The following CD226 variants were observed in gnomAD, a reference collection of about 807,000 sequenced individuals.
CD226 encodes CD226 antigen.
A neutral mutation model predicts 34.9 loss-of-function variants in CD226; 24 were observed. The ratio of observed to expected loss-of-function variants is 0.69; its 90% CI spans 0.50 to 0.97. The LOEUF is 0.97. CD226 is among the 50% of genes least tolerant of loss of function. The pLI is 0.00. For synonymous variants in CD226, 148 were observed against 147.4 expected, an observed-to-expected ratio of 1.00 and a Z score of -0.03; for missense variants, 397 against 412.7, an observed-to-expected ratio of 0.96 and a Z score of 0.33.
Position 69,858,311 on chromosome 18 carries a change from G to A in CD226, c.*6003C>T, listed in dbSNP as rs914041448. On this transcript the variant is annotated 3_prime_UTR_variant, in exon 6 of 6. Coordinates refer to ENST00000582621, the MANE Select transcript of CD226 (RefSeq NM_001303618.2). ...CCTGCCTTTAAGAAAACTATCATCT[G>A]GTCGAGGAGGGACATTTGTCAGTTG... 9 of 152,176 alleles carry A rather than the reference G, an allele frequency of 5.9e-5. No individual in the cohort carries two copies. The highest frequency in any genetic ancestry group is 1.2e-4 in the Non-Finnish European group (8 of 68,038). The allele number at this position is 152,176 out of a possible 1,614,324, so 9.4% of individuals were successfully genotyped here.
intron 2 of CD226, among the ~76,000 whole-genome samples, chr18:69,924,656 C>T (rs2055497920): frequency 3.1e-5 from 2 of 64,986 alleles, no homozygotes; most frequent in South Asian, 1.1e-3. Flanking sequence ...GCTGAACTGA[C>T]AAAGTCAAAG....
At chr18:69,891,147 A>C (rs1254224542) in intron 3 of CD226, among the ~76,000 whole-genome samples, 1 of 152,174 alleles carries the variant, frequency 6.6e-6, no homozygotes, top group Admixed American at 6.5e-5. Flanking sequence ...ATTCTGATTT[A>C]TCCCTGGCAT....
Position 69,946,969 on chromosome 18 carries a change from C to T in CD226, c.147G>A (p.Glu49=), listed in dbSNP as rs2055801291. 3 of 1,614,186 alleles carry T rather than the reference C, an allele frequency of 1.9e-6. No homozygotes were observed. The highest frequency in any genetic ancestry group is 1.1e-5 in the South Asian group (1 of 91,080). The change falls in exon 2 of 6, where the codon GAG becomes GAA. Residue 49 remains glutamate (E), a synonymous_variant. Coordinates refer to ENST00000582621, the MANE Select transcript of CD226 (RefSeq NM_001303618.2). ...YPSMGILTQV[E]WFKIGTQQDS... ...CCTGCTGGGTCCCGATCTTGAACCA[C>T]TCCACCTGTGTTAAGATGCCCATTG...
intron 4 of CD226, among the ~76,000 whole-genome samples, chr18:69,869,945 C>T (rs866141796): frequency 1.6e-4 from 24 of 151,432 alleles, no homozygotes; most frequent in Middle Eastern, 3.4e-3. Context: ...GGATTACAGG[C>T]GCCCGCCACC....
chr18:69,895,986 C>T lies in CD226; in HGVS notation c.442G>A (p.Val148Ile). The T allele has an allele frequency of 6.2e-7, 1 of 1,613,862 alleles. No homozygotes were observed. Among genetic ancestry groups the T allele is most frequent in the South Asian group, 1.1e-5 (1 of 91,078 alleles). ...ATCTGAGGCTGACAAGTGAGTGTGA[C>T]ATTCTTTCCAGGTTCCGAAACAATG... is the stretch of plus-strand genomic sequence containing the variant. ...SHIVSEPGKNVTLTCQPQMTW... is the reference protein window; with the variant it reads ...SHIVSEPGKNITLTCQPQMTW... Residue 148 changes from valine (V) to isoleucine (I), a missense_variant, in exon 3 of 6, where the codon GTC becomes ATC. By Grantham distance (29) the Val-to-Ile change is conservative (BLOSUM62 3). Transcript: ENST00000582621.
At chr18:69,886,856 C>T (rs1023297087) in intron 3 of CD226, among the ~76,000 whole-genome samples, 2 of 151,976 alleles carry the variant, frequency 1.3e-5, no homozygotes, top group Non-Finnish European at 1.5e-5. Context: ...ATTCAGCAAG[C>T]CTTAGGCTGA....
At chr18:69,949,739 A>C (rs1326883812), upstream of CD226, among the ~76,000 whole-genome samples, 1 of 151,646 alleles carries the variant, frequency 6.6e-6, no homozygotes, top group Non-Finnish European at 1.5e-5. Context: ...TCACACACAC[A>C]ACATGCACCC....
intron 3 of CD226, among the ~76,000 whole-genome samples, chr18:69,879,062 G>A (rs543947939): frequency 6.6e-6 from 1 of 152,270 alleles, no homozygotes; most frequent in African/African-American, 2.4e-5. Flanking sequence ...AGGGGAGGGA[G>A]TGTATGAATA....
chr18:69,923,979 G>T (rs1414074678), intron 2 of CD226, among the ~76,000 whole-genome samples: 1 of 150,542 alleles, frequency 6.6e-6, no homozygotes, highest in African/African-American at 2.5e-5. Context: ...AATCAATGGA[G>T]TATTGTGTCC....
intron 2 of CD226, among the ~76,000 whole-genome samples, chr18:69,896,953 C>T (rs1167148671): frequency 6.6e-6 from 1 of 152,136 alleles, no homozygotes; most frequent in Admixed American, 6.5e-5. Context: ...GAATTCCTAC[C>T]ATAAAGTACT....
Position 69,872,408 on chromosome 18 carries a change from G to C in CD226, c.830+736C>G, listed in dbSNP as rs573016622. On this transcript the variant is annotated intron_variant, in intron 4 of 5. Transcript: ENST00000582621. ...CCAACTGTGCTACAATACAGTAAAAGGTTTTTTTAATTTTTAATTTTTGTT... is the reference window on the plus strand; with the variant it reads ...CCAACTGTGCTACAATACAGTAAAACGTTTTTTTAATTTTTAATTTTTGTT... Among the ~76,000 whole-genome samples, 9 of 142,090 alleles carry C rather than the reference G, an allele frequency of 6.3e-5. No homozygotes were observed. In the East Asian group the frequency reaches 1.4e-3, roughly 21 times the overall value. The allele number at this position is 142,090 out of a possible 152,430, so 93.2% of individuals were successfully genotyped here. A position where few individuals can be genotyped will look rare whatever the true frequency, so the allele number is the denominator to read the frequency against.
intron 3 of CD226, among the ~76,000 whole-genome samples, chr18:69,883,221 C>A (rs1004679317): frequency 2.0e-5 from 3 of 152,138 alleles, no homozygotes; most frequent in Non-Finnish European, 4.4e-5. Flanking sequence ...TCTTGGGAAT[C>A]TGGCTTCCTG....
chr18:69,930,935 C>G (rs151256283), intron 2 of CD226, among the ~76,000 whole-genome samples: 136 of 152,280 alleles, frequency 8.9e-4, no homozygotes, highest in African/African-American at 3.1e-3. Context: ...GAAAAATAAC[C>G]ACAAACACTG....
chr18:69,924,097 G>A (rs1329810253), intron 2 of CD226, among the ~76,000 whole-genome samples: 1 of 151,834 alleles, frequency 6.6e-6, no homozygotes, highest in Non-Finnish European at 1.5e-5. Flanking sequence ...CTTTACAAGG[G>A]AGAAACGAGC....
intron 2 of CD226, among the ~76,000 whole-genome samples, chr18:69,935,496 T>C (rs1314121663): frequency 1.3e-5 from 2 of 152,166 alleles, no homozygotes; most frequent in African/African-American, 4.8e-5. Context: ...TGACAGGCAT[T>C]GAAGGCTATA....
At chr18:69,924,800 GCA>G (rs1357080663) in intron 2 of CD226, among the ~76,000 whole-genome samples, 1 of 150,352 alleles carries the variant, frequency 6.7e-6, no homozygotes, top group African/African-American at 2.4e-5. Flanking sequence ...ATCTCACATA[GCA>G]CTCCAAAGTA....
At chr18:69,917,081 G>A (rs1194486842) in intron 2 of CD226, among the ~76,000 whole-genome samples, 1 of 152,090 alleles carries the variant, frequency 6.6e-6, no homozygotes, top group Admixed American at 6.5e-5. Context: ...CCTCTCCCCA[G>A]GTGGTAATGA....
At chr18:69,916,874 T>C (rs891162413) in intron 2 of CD226, among the ~76,000 whole-genome samples, 1 of 152,200 alleles carries the variant, frequency 6.6e-6, no homozygotes, top group African/African-American at 2.4e-5. Context: ...TGACATGGTA[T>C]CCTTCTGACA....
intron 1 of CD226, among the ~76,000 whole-genome samples, chr18:69,954,630 G>A (rs1290611073): frequency 1.3e-5 from 2 of 152,110 alleles, no homozygotes; most frequent in African/African-American, 4.8e-5. Context: ...AGGTTCATGG[G>A]AGGAGGACTG....
Sources: gnomAD v4.1 joint callset for allele counts (sites outside exome capture counted in the v4.1 genomes callset) on GRCh38, gnomAD v4.1.1 for gene constraint, MANE v1.5 for transcripts, NCBI Gene and HGNC (gene_info 2026-07-23, HGNC 2026-07-21) for gene names.